Variants in ROBO1 observed in about 807,000 individuals in gnomAD.
The protein encoded by ROBO1 is roundabout guidance receptor 1.
In ROBO1, 149 loss-of-function variants were observed where a neutral mutation model predicts 195.9. The ratio of observed to expected loss-of-function variants is 0.76; its 90% confidence interval spans 0.67 to 0.87. The LOEUF (loss-of-function observed/expected upper bound fraction) is 0.87, where lower values mean the gene tolerates loss of function less well. ROBO1 is among the 40% of genes least tolerant of loss of function. ROBO1 has a pLI of 0.00. For synonymous variants in ROBO1, 816 were observed against 733.2 expected, an observed-to-expected ratio of 1.11 and a Z score of -1.82; for missense variants, 1,933 against 2,068.3, an observed-to-expected ratio of 0.93 and a Z score of 1.27.
intron 3 of ROBO1, among the ~76,000 whole-genome samples, chr3:78,983,331 T>TA (rs1430463725): frequency 6.6e-6 from 1 of 152,234 alleles, no homozygotes; most frequent in Admixed American, 6.5e-5. Flanking sequence ...TACACACATC[T>TA]ACAGGCTAAT....
rs929661530 is a variant in ROBO1 at position 79,113,386 on chromosome 3, G to GT, written c.172+12069dup. The stretch of plus-strand genomic sequence containing the variant: ...TTGTCTTCCTGGCCCATTGAGTGAG[G>GT]TTTTTTTTTTTAATAGAAAGAAGCT... On this transcript the variant is annotated intron_variant, in intron 3 of 30. Transcript: ENST00000464233. Among the ~76,000 whole-genome samples the GT allele has an allele frequency of 8.4e-3, 1,233 of 145,998 alleles. 11 individuals carry two copies. Among genetic ancestry groups the GT allele is most frequent in the African/African-American group, 0.019 (772 of 39,994 alleles).
intron 3 of ROBO1, among the ~76,000 whole-genome samples, chr3:78,951,521 AAAC>A (rs910564818): frequency 4.7e-4 from 72 of 152,116 alleles, no homozygotes; most frequent in Middle Eastern, 3.2e-3. Context: ...GGGTTAAAAA[AAAC>A]AACAACACCA....
chr3:79,029,412 G>C (rs1439971707), intron 3 of ROBO1, among the ~76,000 whole-genome samples: 1 of 152,030 alleles, frequency 6.6e-6, no homozygotes, highest in Non-Finnish European at 1.5e-5. Context: ...AAACCCATCT[G>C]TCTTAAATAA....
intron 3 of ROBO1, among the ~76,000 whole-genome samples, chr3:79,021,791 G>A (rs1346550438): frequency 5.3e-5 from 8 of 151,672 alleles, no homozygotes; most frequent in Non-Finnish European, 1.2e-4. Flanking sequence ...CTCCCAAGTA[G>A]CTGGGACTAC....
chr3:78,954,424 G>C (rs1463632104), intron 3 of ROBO1, among the ~76,000 whole-genome samples: 2 of 152,002 alleles, frequency 1.3e-5, no homozygotes, highest in African/African-American at 4.8e-5. Context: ...TAGATTGTTT[G>C]TAATTGTGCA....
chr3:78,885,937 A>ATG (rs922064039), intron 4 of ROBO1, among the ~76,000 whole-genome samples: 1 of 145,782 alleles, frequency 6.9e-6, no homozygotes, highest in African/African-American at 2.5e-5. Flanking sequence ...ATATATATAT[A>ATG]TATACATACA....
intron 2 of ROBO1, among the ~76,000 whole-genome samples, chr3:79,296,060 A>G (rs1289891950): frequency 1.3e-5 from 2 of 152,196 alleles, no homozygotes; most frequent in African/African-American, 4.8e-5. Flanking sequence ...CATATATGCA[A>G]ATTTGAAAGC....
At chr3:79,324,580 AC>A (rs1259064039) in intron 2 of ROBO1, among the ~76,000 whole-genome samples, 3 of 152,172 alleles carry the variant, frequency 2.0e-5, no homozygotes, top group African/African-American at 7.2e-5. Context: ...ATCAGGAGAA[AC>A]AAAAACAAAA....
intron 2 of ROBO1, among the ~76,000 whole-genome samples, chr3:79,519,778 T>C (rs1941127640): frequency 6.6e-6 from 1 of 151,974 alleles, no homozygotes; most frequent in African/African-American, 2.4e-5. Context: ...CAAAATTAGA[T>C]GCATTATCAC....
chr3:79,423,308 G>A (rs1227540155), intron 2 of ROBO1, among the ~76,000 whole-genome samples: 1 of 152,138 alleles, frequency 6.6e-6, no homozygotes, highest in African/African-American at 2.4e-5. Context: ...GATCTAAAGA[G>A]CTATCAAAAT....
intron 4 of ROBO1, among the ~76,000 whole-genome samples, chr3:78,925,719 T>C (rs2039175075): frequency 6.6e-6 from 1 of 152,096 alleles, no homozygotes; most frequent in Non-Finnish European, 1.5e-5. Context: ...AGAATGAAGA[T>C]TTCCTCACAA....
At chr3:79,745,021 C>A (rs1483312470) in intron 1 of ROBO1, among the ~76,000 whole-genome samples, 3 of 151,922 alleles carry the variant, frequency 2.0e-5, no homozygotes, top group African/African-American at 4.8e-5. Flanking sequence ...CTATTCAAAC[C>A]TTCTATTTCA....
chr3:79,653,767 ATAT>A (rs1412833835), intron 1 of ROBO1, among the ~76,000 whole-genome samples: 1 of 151,950 alleles, frequency 6.6e-6, no homozygotes, highest in Non-Finnish European at 1.5e-5. Flanking sequence ...ACACACTGTC[ATAT>A]TATTTTCTGC....
chr3:78,984,266 T>C (rs902046837), intron 3 of ROBO1, among the ~76,000 whole-genome samples: 2 of 152,138 alleles, frequency 1.3e-5, no homozygotes, highest in African/African-American at 4.8e-5. Flanking sequence ...TGGAGGCTTA[T>C]AGATATCAGG....
intron 2 of ROBO1, among the ~76,000 whole-genome samples, chr3:79,495,667 C>T (rs752627848): frequency 4.6e-5 from 7 of 152,064 alleles, no homozygotes; most frequent in African/African-American, 9.7e-5. Flanking sequence ...TTGATACATG[C>T]GGTTAAAATG....
intron 3 of ROBO1, among the ~76,000 whole-genome samples, chr3:79,049,425 G>C (rs933139492): frequency 6.6e-6 from 1 of 152,174 alleles, no homozygotes; most frequent in Non-Finnish European, 1.5e-5. Flanking sequence ...CATTTGATTG[G>C]TGTGCCTGAA....
intron 4 of ROBO1, among the ~76,000 whole-genome samples, chr3:78,902,926 C>T (rs2037673503): frequency 6.6e-6 from 1 of 152,124 alleles, no homozygotes; most frequent in Non-Finnish European, 1.5e-5. Flanking sequence ...CAAGCTACAG[C>T]GTTTCATTTT....
At chr3:79,452,759 A>G (rs1050093396) in intron 2 of ROBO1, among the ~76,000 whole-genome samples, 1 of 152,050 alleles carries the variant, frequency 6.6e-6, no homozygotes. Context: ...TATGATATTA[A>G]TATGTATTTT....
intron 2 of ROBO1, among the ~76,000 whole-genome samples, chr3:79,174,637 A>G (rs963304522): frequency 5.3e-5 from 8 of 152,116 alleles, no homozygotes; most frequent in Non-Finnish European, 1.2e-4. Flanking sequence ...CAGTGATAGC[A>G]AACGGTGAAT....
Sources: allele counts gnomAD v4.1 joint callset (sites outside exome capture counted in the v4.1 genomes callset), GRCh38; gene constraint gnomAD v4.1.1; transcripts MANE v1.5; gene names NCBI Gene and HGNC (gene_info 2026-07-23, HGNC 2026-07-21).